The following TARS3 variants were observed in gnomAD, a reference collection of about 807,000 sequenced individuals.
The protein encoded by TARS3 is threonyl-tRNA synthetase 3.
In TARS3, 94 loss-of-function variants were observed where a neutral mutation model predicts 103.5. That is an observed-to-expected ratio of 0.91 (90% confidence interval 0.77 to 1.08). TARS3 has a LOEUF of 1.08. Among genes scored for constraint, TARS3 ranks in the 50% least tolerant of loss-of-function variants. The probability of loss-of-function intolerance (pLI) is 0.00; values close to 1 mark genes in which losing one functional copy is unlikely to be tolerated. For synonymous variants in TARS3, 416 were observed against 355.4 expected, an observed-to-expected ratio of 1.17 and a Z score of -1.92; for missense variants, 952 against 995.2, an observed-to-expected ratio of 0.96 and a Z score of 0.58.
chr15:101,686,309 G>C (rs1014513506), intron 10 of TARS3, among the ~76,000 whole-genome samples: 5 of 151,966 alleles, frequency 3.3e-5, no homozygotes, highest in Non-Finnish European at 7.4e-5. Context: ...TAATGTTTTA[G>C]TTCTTTGAAA....
chr15:101,683,607 C>G (rs912760097), intron 12 of TARS3, among the ~76,000 whole-genome samples: 14 of 152,062 alleles, frequency 9.2e-5, no homozygotes, highest in Non-Finnish European at 4.4e-5. Flanking sequence ...GGCATATTAC[C>G]CACCCCACAT....
At position 101,671,683 on chromosome 15, in the gene TARS3, A is replaced by T. The variant is rs1430171410; in HGVS notation, c.1854T>A (p.Phe618Leu). The T allele has an allele frequency of 8.7e-6, 14 of 1,613,970 alleles. No homozygotes were observed. Among genetic ancestry groups the T allele is most frequent in the Non-Finnish European group, 1.2e-5 (14 of 1,180,008 alleles). ...GTGGTCGACTCACTTTAGGGCCATA[A>T]AATGCTCCATCTCCTGGGTTCATTT... ...PWKMNPGDGAFYGPKIDIKIK... is the reference protein window; with the variant it reads ...PWKMNPGDGALYGPKIDIKIK... Residue 618 changes from phenylalanine (F) to leucine (L), a missense_variant, in exon 14 of 19, where the codon TTT becomes TTA. By Grantham distance (22) the Phe-to-Leu change is conservative. Transcript: ENST00000335968.
intron 18 of TARS3, chr15:101,655,879 G>A: frequency 3.1e-6 from 4 of 1,287,092 alleles, no homozygotes; most frequent in Non-Finnish European, 4.1e-6. Context: ...GATGAGCCAA[G>A]GAGTGGACAC....
At chr15:101,673,950 C>A (rs1467402046) in intron 13 of TARS3, among the ~76,000 whole-genome samples, 1 of 152,170 alleles carries the variant, frequency 6.6e-6, no homozygotes, top group African/African-American at 2.4e-5. Flanking sequence ...GTACAGTAGT[C>A]CCCCTTCTCT....
chr15:101,722,300 C>G (rs1900512357), intron 2 of TARS3, among the ~76,000 whole-genome samples: 2 of 150,322 alleles, frequency 1.3e-5, no homozygotes, highest in South Asian at 4.2e-4. Context: ...AGAACGTGTA[C>G]AGAGTCACAC....
chr15:101,702,115 G>A, intron 9 of TARS3, 124 bp downstream of exon 9: 1 of 1,141,538 alleles, frequency 8.8e-7, no homozygotes. Context: ...CGGACTGTGA[G>A]TGCCAGCAAA....
At position 101,666,974 on chromosome 15, in the gene TARS3, T is replaced by C. The variant is rs75825362; in HGVS notation, c.1967+4512A>G. Among the ~76,000 whole-genome samples the C allele has an allele frequency of 7.8e-3, 1,189 of 152,302 alleles. 19 individuals are homozygous for C. The highest frequency in any genetic ancestry group is 0.027 in the African/African-American group (1,126 of 41,552). On this transcript the variant is annotated intron_variant, in intron 15 of 18. Transcript: ENST00000335968. ...AAATGAATTTTTAAATAACAAGACT[T>C]GAAAGTCAAAATTGTGCCTTGATCC...
intron 13 of TARS3, among the ~76,000 whole-genome samples, 169 bp downstream of exon 13, chr15:101,675,431 G>A (rs958195151): frequency 3.3e-5 from 5 of 152,166 alleles, no homozygotes; most frequent in Admixed American, 6.5e-5. Flanking sequence ...TATTATCACC[G>A]TCACAAAGAT....
intron 18 of TARS3, 77 bp from the exon 19 acceptor site, chr15:101,654,807 GTTT>G: frequency 7.2e-7 from 1 of 1,397,758 alleles, no homozygotes; most frequent in Non-Finnish European, 9.8e-7. Context: ...CCCATGACAT[GTTT>G]TTATCAAGTT....
intron 15 of TARS3, among the ~76,000 whole-genome samples, chr15:101,670,485 A>C (rs1897752109): frequency 6.6e-6 from 1 of 152,246 alleles, no homozygotes; most frequent in African/African-American, 2.4e-5. Flanking sequence ...CTACACACCT[A>C]TTAGAACTAC....
intron 3 of TARS3, 81 bp from the exon 4 acceptor site, chr15:101,715,044 T>G (rs559987200): frequency 2.8e-6 from 2 of 726,794 alleles, no homozygotes; most frequent in African/African-American, 1.9e-5. Context: ...ATTTCTAGGG[T>G]TTTTTTTTTT....
chr15:101,713,156 G>A (rs899388772), intron 4 of TARS3, among the ~76,000 whole-genome samples: 1 of 152,226 alleles, frequency 6.6e-6, no homozygotes, highest in Non-Finnish European at 1.5e-5. Flanking sequence ...AAACCTGGAC[G>A]TGCATAATTC....
intron 5 of TARS3, 53 bp from the exon 6 acceptor site, chr15:101,708,963 C>T: frequency 1.7e-6 from 2 of 1,189,932 alleles, no homozygotes; most frequent in Non-Finnish European, 1.2e-6. Context: ...TATGCATTCC[C>T]TCTTTCCTTT....
At chr15:101,676,017 G>T (rs1467442321) in intron 12 of TARS3, among the ~76,000 whole-genome samples, 2 of 152,198 alleles carry the variant, frequency 1.3e-5, no homozygotes, top group Non-Finnish European at 2.9e-5. Flanking sequence ...AAGTGAGACT[G>T]AGCTGCAGCA....
chr15:101,678,553 G>C (rs192200199), intron 12 of TARS3, among the ~76,000 whole-genome samples: 243 of 151,252 alleles, frequency 1.6e-3, no homozygotes, highest in Non-Finnish European at 1.8e-3. Context: ...TATCAGTCCA[G>C]ATATTGTCAC....
At chr15:101,665,663 T>C (rs1003171623) in intron 15 of TARS3, among the ~76,000 whole-genome samples, 1 of 152,198 alleles carries the variant, frequency 6.6e-6, no homozygotes, top group Non-Finnish European at 1.5e-5. Context: ...CTTGGAAGAA[T>C]TAATAAGATG....
intron 3 of TARS3, 80 bp from the exon 4 acceptor site, chr15:101,715,043 GTTTT>G: frequency 4.6e-6 from 5 of 1,098,142 alleles, no homozygotes; most frequent in Non-Finnish European, 6.1e-6. Context: ...AATTTCTAGG[GTTTT>G]TTTTTTTTGA....
At chr15:101,670,562 A>T (rs1897755887) in intron 15 of TARS3, among the ~76,000 whole-genome samples, 1 of 152,236 alleles carries the variant, frequency 6.6e-6, no homozygotes. Flanking sequence ...CTCTTTACAC[A>T]TTGCAGGTGA....
chr15:101,684,306 A>G, intron 11 of TARS3, 69 bp from the exon 12 acceptor site: 1 of 1,378,062 alleles, frequency 7.3e-7, no homozygotes, highest in Non-Finnish European at 9.6e-7. Flanking sequence ...CTAAATATAA[A>G]GAAATTACAA....
Sources: allele counts gnomAD v4.1 joint callset (sites outside exome capture counted in the v4.1 genomes callset), GRCh38; gene constraint gnomAD v4.1.1; transcripts MANE v1.5; gene names NCBI Gene and HGNC (gene_info 2026-07-23, HGNC 2026-07-21).